CIZ1: variants seen among roughly 807,000 people sequenced by gnomAD.
CIZ1 encodes the protein cip1-interacting zinc finger protein.
A neutral mutation model predicts 118.6 loss-of-function variants in CIZ1; 58 were observed. The observed-to-expected ratio is 0.49, with a 90% CI of 0.40 to 0.61. The LOEUF is 0.61. CIZ1 is among the 20% of genes least tolerant of loss of function. CIZ1 has a pLI of 0.00. For synonymous variants in CIZ1, 448 were observed against 443.4 expected, an observed-to-expected ratio of 1.01 and a Z score of -0.13; for missense variants, 921 against 1,115.9, an observed-to-expected ratio of 0.83 and a Z score of 2.49.
At position 128,203,527 on chromosome 9, in the gene CIZ1, C is replaced by G. The variant is rs1477637279; in HGVS notation, c.-6+659G>C. 1 of 1,543,978 alleles carries G rather than the reference C, an allele frequency of 6.5e-7. No individual in the cohort carries two copies. The highest frequency in any genetic ancestry group is 8.7e-7 in the Non-Finnish European group (1 of 1,148,516). ...CGCTGGTCAACCGGCTGCAAGACGC[C>G]TTCTCTGCCATCGGCCAGAACGCGG... On this transcript the variant is annotated intron_variant, in intron 1 of 17. Transcript: ENST00000372948. This position sits in a 1 kb window ranked among gnomAD's most constrained non-coding sequence, Gnocchi z 5.3.
intron 5 of CIZ1, among the ~76,000 whole-genome samples, chr9:128,183,324 G>A (rs12004317): frequency 1.8e-4 from 27 of 152,168 alleles, no homozygotes; most frequent in African/African-American, 5.3e-4. Context: ...AGGACCAACC[G>A]CACCCCAATC....
intron 5 of CIZ1, among the ~76,000 whole-genome samples, chr9:128,181,770 G>C (rs7467855): frequency 0.64 from 93,655 of 145,752 alleles, 32,219 homozygotes; most frequent in East Asian, 0.94. Context: ...AAGGCGGGGG[G>C]GGGGGGGGGG....
At chr9:128,185,085 C>T (rs1295067919) in intron 5 of CIZ1, among the ~76,000 whole-genome samples, 1 of 152,002 alleles carries the variant, frequency 6.6e-6, no homozygotes. Context: ...TTGAGACCAG[C>T]CTGACCAACA....
At chr9:128,201,802 G>C (rs776832265) in intron 1 of CIZ1, among the ~76,000 whole-genome samples, 1 of 152,212 alleles carries the variant, frequency 6.6e-6, no homozygotes, top group Non-Finnish European at 1.5e-5. Context: ...GTTCAGAGAC[G>C]TGGAGGGACC....
intron 11 of CIZ1, among the ~76,000 whole-genome samples, chr9:128,174,118 C>T (rs1231563127): frequency 1.3e-5 from 2 of 152,212 alleles, no homozygotes; most frequent in Non-Finnish European, 2.9e-5. Flanking sequence ...ACGGGCACCC[C>T]CACCAGCTAG....
chr9:128,177,546 C>CCAAAAAAAGG lies in CIZ1; in HGVS notation c.1818+19_1818+20insCCTTTTTTTG. ...CACGCAGGCCCCACCCCTCCCCACC[C>CCAAAAAAAGG]TTATCTCCTGTATCAGTACCTGCTG... On this transcript the variant is annotated intron_variant, in intron 10 of 16. Transcript: ENST00000372938. 1 of 1,353,454 alleles carries CCAAAAAAAGG rather than the reference C, an allele frequency of 7.4e-7. No homozygotes were observed. Among genetic ancestry groups the CCAAAAAAAGG allele is most frequent in the Non-Finnish European group, 9.9e-7 (1 of 1,013,752 alleles). 83.8% of individuals were successfully genotyped at this position (1,353,454 alleles called of 1,614,324 possible).
At chr9:128,191,729 T>G, upstream of CIZ1, 6 of 1,361,870 alleles carry the variant, frequency 4.4e-6, no homozygotes, top group Non-Finnish European at 5.7e-6. The surrounding 1 kb of genome is among the most constrained non-coding windows in gnomAD (Gnocchi z 5.5). Flanking sequence ...GGGCGGCTCA[T>G]ACCCTCTGTC....
Position 128,179,345 on chromosome 9 carries a change from T to A in CIZ1, c.862A>T (p.Thr288Ser), listed in dbSNP as rs781260393. 13 of 1,613,764 alleles carry A rather than the reference T, an allele frequency of 8.1e-6. No homozygotes were observed. In the Admixed American group the frequency reaches 2.2e-4, roughly 27 times the overall value. Residue 288 changes from threonine to serine, a missense_variant, in exon 8 of 17, where the codon ACA (threonine) becomes TCA (serine). By Grantham distance (58) the Thr-to-Ser change is moderately conservative (BLOSUM62 1). Transcript: ENST00000372938. ...QVKAQPQARM[T>S]VPKQTQTPDL... ...GGTGTCTGTGTCTGTTTCGGTACTG[T>A]CATCCGGGCCTGCGGCTGGGCCTTC... is the stretch of plus-strand genomic sequence containing the variant.
upstream of CIZ1, chr9:128,191,892 C>A: frequency 6.9e-7 from 1 of 1,447,958 alleles, no homozygotes; most frequent in South Asian, 1.3e-5. This position sits in a 1 kb window ranked among gnomAD's most constrained non-coding sequence, Gnocchi z 5.5. Flanking sequence ...TCCTGGGGCC[C>A]CGCGCGGGGC....
At chr9:128,198,247 TG>T (rs1418957222) in intron 1 of CIZ1, 1 of 152,424 alleles carries the variant, frequency 6.6e-6, no homozygotes, top group African/African-American at 2.4e-5. Flanking sequence ...CCCATGTTCC[TG>T]GTCCCCTTAG....
chr9:128,198,384 T>C (rs1833428971), intron 1 of CIZ1: 1 of 152,182 alleles, frequency 6.6e-6, no homozygotes, highest in South Asian at 2.1e-4. Flanking sequence ...GAAAAATGAA[T>C]GAATGAATGA....
At chr9:128,189,316 C>T (rs1319127690) in intron 3 of CIZ1, among the ~76,000 whole-genome samples, 1 of 152,188 alleles carries the variant, frequency 6.6e-6, no homozygotes, top group Non-Finnish European at 1.5e-5. Flanking sequence ...GTATGGTTCT[C>T]TCTCTCTACC....
chr9:128,200,785 T>C (rs1833493635), intron 1 of CIZ1, among the ~76,000 whole-genome samples: 1 of 148,866 alleles, frequency 6.7e-6, no homozygotes, highest in Non-Finnish European at 1.5e-5. Flanking sequence ...TGCAGTGAGC[T>C]GAGATCACGA....
intron 8 of CIZ1, 106 bp from the exon 9 acceptor site, chr9:128,178,596 C>G (rs546936448): frequency 4.6e-4 from 731 of 1,594,478 alleles, no homozygotes; most frequent in Non-Finnish European, 6.0e-4. Flanking sequence ...GGCCCTGGAC[C>G]TGGGTTCCAG....
chr9:128,194,220 G>C (rs1431295133), upstream of CIZ1, among the ~76,000 whole-genome samples: 1 of 151,616 alleles, frequency 6.6e-6, no homozygotes, highest in Non-Finnish European at 1.5e-5. Flanking sequence ...AAATTAGCCG[G>C]GCATGGTGGC....
chr9:128,202,633 C>T (rs1833564842), intron 1 of CIZ1: 1 of 152,204 alleles, frequency 6.6e-6, no homozygotes, highest in African/African-American at 2.4e-5. Context: ...CTGCAGAGAA[C>T]ACCCCCGACT....
At position 128,180,480 on chromosome 9, in the gene CIZ1, T is replaced by G. The variant is rs758645652; in HGVS notation, c.726A>C (p.Lys242Asn). The change falls in exon 7 of 17, where the codon AAA becomes AAC. Residue 242 changes from lysine (K) to asparagine (N), a missense_variant. Physicochemically the swap from Lys to Asn is moderately conservative, Grantham distance 94 (BLOSUM62 0). Coordinates refer to ENST00000372938, the MANE Select transcript of CIZ1 (RefSeq NM_001131016.2). Reference sequence around the variant, plus strand: ...GCTCAGGCTCAGGTGCTGGAGTGCGTTTTTCCTTGGCGATGTCCTCTGGGC... The same window carrying G: ...GCTCAGGCTCAGGTGCTGGAGTGCGGTTTTCCTTGGCGATGTCCTCTGGGC... Reference protein sequence around the residue: ...PPCPEDIAKEKRTPAPEPEPC... With the variant: ...PPCPEDIAKENRTPAPEPEPC... 6.2e-7 allele frequency: 1 copy of G among 1,613,800 alleles called. No homozygotes were observed. Among genetic ancestry groups the G allele is most frequent in the East Asian group, 2.2e-5 (1 of 44,850 alleles).
chr9:128,181,658 G>A (rs1442805109), intron 5 of CIZ1, among the ~76,000 whole-genome samples: 3 of 152,232 alleles, frequency 2.0e-5, no homozygotes, highest in East Asian at 1.9e-4. Flanking sequence ...TTGGTCTAGC[G>A]GTGACGCCAG....
chr9:128,175,939 T>C (rs1175098368), intron 11 of CIZ1, among the ~76,000 whole-genome samples: 1 of 152,118 alleles, frequency 6.6e-6, no homozygotes, highest in Non-Finnish European at 1.5e-5. Flanking sequence ...CTGAAGTTTC[T>C]GATTAAACAG....
Sources: allele counts gnomAD v4.1 joint callset (sites outside exome capture counted in the v4.1 genomes callset), GRCh38; gene constraint gnomAD v4.1.1; non-coding constraint Gnocchi (gnomAD v3.1); transcripts MANE v1.5; gene names NCBI Gene and HGNC (gene_info 2026-07-23, HGNC 2026-07-21).